The following NIPBL variants were observed in gnomAD, a reference collection of about 807,000 sequenced individuals.
NIPBL encodes nipped-B-like protein.
In NIPBL, 19 loss-of-function variants were observed where a neutral mutation model predicts 321.8. The observed-to-expected ratio is 0.06, with a 90% CI of 0.04 to 0.09. NIPBL has a LOEUF of 0.09. NIPBL is among the 10% of genes least tolerant of loss of function. NIPBL has a pLI of 1.00. For missense variants in NIPBL, 2,210 were observed against 3,327.0 expected, an observed-to-expected ratio of 0.66 and a Z score of 8.26; for synonymous variants, 1,106 against 1,114.1, an observed-to-expected ratio of 0.99 and a Z score of 0.14.
intron 10 of NIPBL, among the ~76,000 whole-genome samples, chr5:36,994,825 A>G (rs1037119478): frequency 2.6e-5 from 4 of 152,078 alleles, no homozygotes; most frequent in African/African-American, 4.8e-5. Flanking sequence ...GTATGTGTGT[A>G]GGATTAAGTA....
intron 23 of NIPBL, 24 bp from the exon 24 acceptor site, chr5:37,016,995 A>T (rs767145920): frequency 1.0e-5 from 15 of 1,502,084 alleles, no homozygotes; most frequent in Non-Finnish European, 1.3e-5. Flanking sequence ...AATCTATTCA[A>T]TCAAAAACTA....
intron 1 of NIPBL, among the ~76,000 whole-genome samples, chr5:36,907,758 C>T (rs1747750017): frequency 6.6e-6 from 1 of 152,070 alleles, no homozygotes; most frequent in Admixed American, 6.5e-5. Flanking sequence ...TTAGTCTTCT[C>T]AGAAATGCCA....
intron 1 of NIPBL, among the ~76,000 whole-genome samples, chr5:36,898,299 T>G (rs1746932992): frequency 6.6e-6 from 1 of 152,110 alleles, no homozygotes; most frequent in African/African-American, 2.4e-5. Flanking sequence ...GGTCTTAAAA[T>G]AGATGTAGAG....
In NIPBL at chr5:36,984,928, A is replaced by T; in HGVS notation, c.1748A>T (p.Glu583Val). 1 of 1,613,670 alleles carries T rather than the reference A, an allele frequency of 6.2e-7. No homozygotes were observed. The highest frequency in any genetic ancestry group is 8.5e-7 in the Non-Finnish European group (1 of 1,179,850). The change falls in exon 10 of 47, where the codon GAA becomes GTA. Residue 583 changes from glutamate (E) to valine (V), a missense_variant. By Grantham distance (121) the Glu-to-Val change is moderately radical (BLOSUM62 -2). Transcript: ENST00000282516. ...GATGCACCTGTTTCTGTTCTTCAGG[A>T]AGATATTGTTGGAAGTCTTAAATCT... ...CNDAPVSVLQEDIVGSLKSTP... is the reference protein window; with the variant it reads ...CNDAPVSVLQVDIVGSLKSTP...
intron 21 of NIPBL, among the ~76,000 whole-genome samples, chr5:37,013,710 C>T (rs1748541711): frequency 6.6e-6 from 1 of 151,884 alleles, no homozygotes; most frequent in African/African-American, 2.4e-5. Context: ...CAGAGATGCT[C>T]CTCACTTTCC....
At chr5:36,966,669 G>A (rs1278704683) in intron 6 of NIPBL, among the ~76,000 whole-genome samples, 2 of 152,018 alleles carry the variant, frequency 1.3e-5, no homozygotes, top group Admixed American at 1.3e-4. Context: ...TTTTTACAAA[G>A]TCATTGGAAA....
At chr5:37,014,838 GA>G in intron 22 of NIPBL, 73 bp downstream of exon 22, 1 of 898,386 alleles carries the variant, frequency 1.1e-6, no homozygotes, top group Non-Finnish European at 1.9e-6. Flanking sequence ...TTAAAAAGAT[GA>G]ATCCAATTTC....
intron 35 of NIPBL, 73 bp downstream of exon 35, chr5:37,044,560 C>A (rs1367084270): frequency 1.5e-5 from 24 of 1,576,294 alleles, no homozygotes; most frequent in Non-Finnish European, 2.1e-5. Context: ...ATTTTTAAAG[C>A]AAATATTTGT....
At chr5:37,029,407 C>A (rs1166172946) in intron 32 of NIPBL, among the ~76,000 whole-genome samples, 2 of 152,034 alleles carry the variant, frequency 1.3e-5, no homozygotes, top group Non-Finnish European at 2.9e-5. Context: ...ATTAATATAT[C>A]TTTTTATTAC....
chr5:36,886,022 C>A (rs1745877228), intron 1 of NIPBL: 2 of 716,210 alleles, frequency 2.8e-6, no homozygotes, highest in East Asian at 2.6e-5. Flanking sequence ...CTGGTCTCAG[C>A]AGATTGAGGA....
In NIPBL at chr5:36,985,458, C is replaced by G; in HGVS notation, c.2278C>G (p.His760Asp). The G allele has an allele frequency of 6.2e-7, 1 of 1,613,698 alleles. No individual in the cohort carries two copies. The highest frequency in any genetic ancestry group is 8.5e-7 in the Non-Finnish European group (1 of 1,179,958). The change falls in exon 10 of 47, where the codon CAC becomes GAC. Residue 760 changes from histidine (H) to aspartate (D), a missense_variant. By Grantham distance (81) the His-to-Asp change is moderately conservative (BLOSUM62 -1). Transcript: ENST00000282516. ...KNEGRPETPK[H>D]RHDNRRDSGK... ...TGAAGGGCGACCTGAAACACCAAAA[C>G]ACAGGCATGACAATAGGAGGGATTC...
intron 1 of NIPBL, among the ~76,000 whole-genome samples, chr5:36,913,388 T>C (rs1306433791): frequency 4.7e-5 from 7 of 150,502 alleles, no homozygotes; most frequent in East Asian, 1.9e-4. Flanking sequence ...TTTCCTTCTT[T>C]TTTTTTTTTT....
chr5:37,057,215 A>G lies in NIPBL; in HGVS notation c.7293A>G (p.Ile2431Met). Residue 2431 changes from isoleucine to methionine, a missense_variant, in exon 43 of 47, where the codon ATA (isoleucine) becomes ATG (methionine). By Grantham distance (10) the Ile-to-Met change is conservative (BLOSUM62 1). Coordinates refer to ENST00000282516, the MANE Select transcript of NIPBL (RefSeq NM_133433.4). ...AKTDVTMLLY[I>M]ADNLACFPYQ... ...CAGACGTGACTATGCTCTTGTATAT[A>G]GCAGACAATCTAGCCTGTTTTCCAT... The G allele has an allele frequency of 6.2e-7, 1 of 1,613,884 alleles. No homozygotes were observed. Among genetic ancestry groups the G allele is most frequent in the Non-Finnish European group, 8.5e-7 (1 of 1,179,924 alleles).
At chr5:36,883,748 G>A (rs549104223) in intron 1 of NIPBL, among the ~76,000 whole-genome samples, 66 of 151,338 alleles carry the variant, frequency 4.4e-4, no homozygotes, top group Non-Finnish European at 7.4e-4. Flanking sequence ...GTCTTTATTT[G>A]AATCAGATTG....
At chr5:36,998,108 T>C (rs1203066521) in intron 11 of NIPBL, among the ~76,000 whole-genome samples, 1 of 151,796 alleles carries the variant, frequency 6.6e-6, no homozygotes, top group East Asian at 1.9e-4. Context: ...ATAGGTGAAA[T>C]TTGGAAAGAG....
At chr5:37,030,486 T>C (rs1367429713) in intron 32 of NIPBL, among the ~76,000 whole-genome samples, 1 of 152,210 alleles carries the variant, frequency 6.6e-6, no homozygotes, top group Non-Finnish European at 1.5e-5. Flanking sequence ...GCTGGAGTTA[T>C]TACAAATTCT....
chr5:36,918,738 C>T (rs927219273), intron 1 of NIPBL, among the ~76,000 whole-genome samples: 1 of 152,022 alleles, frequency 6.6e-6, no homozygotes, highest in Admixed American at 6.6e-5. Flanking sequence ...GCATGAAGGG[C>T]TGTTGAATTT....
chr5:36,975,360 T>C (rs1305824262), intron 8 of NIPBL, among the ~76,000 whole-genome samples: 4 of 152,144 alleles, frequency 2.6e-5, no homozygotes, highest in South Asian at 2.1e-4. Context: ...AGCGTACTTA[T>C]TCTTACTTTA....
intron 33 of NIPBL, among the ~76,000 whole-genome samples, chr5:37,036,873 T>G (rs1751758718): frequency 6.6e-6 from 1 of 152,044 alleles, no homozygotes; most frequent in South Asian, 2.1e-4. Flanking sequence ...GAAATTGTTT[T>G]AGCTATTATA....
Sources: gnomAD v4.1 joint callset for allele counts (sites outside exome capture counted in the v4.1 genomes callset) on GRCh38, gnomAD v4.1.1 for gene constraint, MANE v1.5 for transcripts, NCBI Gene and HGNC (gene_info 2026-07-23, HGNC 2026-07-21) for gene names.